Variants in PPFIBP2 observed in about 807,000 individuals in gnomAD.
PPFIBP2 encodes the protein PPFIB scaffold protein 2, also known as liprin-beta-2.
In PPFIBP2, 118 loss-of-function variants were observed where a neutral mutation model predicts 118.3. That is an observed-to-expected ratio of 1.00 (90% CI 0.86 to 1.16). PPFIBP2 has a LOEUF of 1.16. PPFIBP2 is among the 50% of genes most tolerant of loss of function. The pLI, the probability that PPFIBP2 is intolerant of heterozygous loss-of-function variation, is 0.00. For synonymous variants in PPFIBP2, 414 were observed against 397.4 expected (o/e 1.04, Z -0.50); for missense variants, 1,195 against 1,073.1 (o/e 1.11, Z -1.59).
chr11:7,640,932 A>T, intron 15 of PPFIBP2: 1 of 964,740 alleles, frequency 1.0e-6, no homozygotes, highest in Non-Finnish European at 1.4e-6. Context: ...GCTCGATGAC[A>T]CTCTTTTGTT....
At chr11:7,540,375 A>G (rs1425368137) in intron 1 of PPFIBP2, among the ~76,000 whole-genome samples, 2 of 152,046 alleles carry the variant, frequency 1.3e-5, no homozygotes, top group African/African-American at 4.8e-5. Flanking sequence ...AGGAGATTTT[A>G]CCGGATCTGG....
At position 7,571,375 on chromosome 11, in the gene PPFIBP2, C is replaced by T. The variant is rs116989232; in HGVS notation, c.279+5608C>T. 4.3e-4 allele frequency among the ~76,000 whole-genome samples: 65 copies of T among 151,794 alleles called. No individual in the cohort carries two copies. The East Asian group carries it at 8.9e-3, about 21-fold the overall frequency. On this transcript the variant is annotated intron_variant, in intron 3 of 23. Transcript: ENST00000299492. ...TTCAGCTTGCAATCTTTCATTCTGT[C>T]CAAGAAGCAAATCTGTTTACCATAT...
At chr11:7,618,235 G>A (rs1181825451) in intron 6 of PPFIBP2, among the ~76,000 whole-genome samples, 3 of 152,178 alleles carry the variant, frequency 2.0e-5, no homozygotes, top group African/African-American at 7.2e-5. Context: ...TGTAGACTTG[G>A]ATAGAGAAGC....
downstream of PPFIBP2, among the ~76,000 whole-genome samples, chr11:7,657,774 T>C (rs920683081): frequency 2.6e-5 from 4 of 152,148 alleles, no homozygotes; most frequent in African/African-American, 9.7e-5. Context: ...TCCCGCATGA[T>C]CCAGTTACAG....
chr11:7,602,407 C>T (rs1006940625), intron 5 of PPFIBP2, among the ~76,000 whole-genome samples: 8 of 152,232 alleles, frequency 5.3e-5, no homozygotes, highest in African/African-American at 1.4e-4. Context: ...GTGATATAAT[C>T]GAGGCCTGTG....
chr11:7,624,089 T>G (rs577306145), intron 7 of PPFIBP2, among the ~76,000 whole-genome samples: 111 of 152,230 alleles, frequency 7.3e-4, no homozygotes, highest in African/African-American at 2.6e-3. Flanking sequence ...CCTGTCCCAT[T>G]TGGGGGATGT....
intron 4 of PPFIBP2, among the ~76,000 whole-genome samples, 156 bp downstream of exon 4, chr11:7,593,380 A>T (rs1859695469): frequency 1.3e-5 from 2 of 152,200 alleles, no homozygotes; most frequent in African/African-American, 4.8e-5. Context: ...ATAAAACATT[A>T]AGTAACTGAG....
In PPFIBP2 at chr11:7,628,273, G is replaced by C. The variant is rs1305362272; in HGVS notation, c.827-12G>C. 6.2e-7 allele frequency: 1 copy of C among 1,610,030 alleles called. No homozygotes were observed. The highest frequency in any genetic ancestry group is 1.7e-5 in the Admixed American group (1 of 59,868). ...TATATAAATAATTATTTCTATACCT[G>C]AATTCTTTTAGACCAAGAAATTCAA... On this transcript the variant is annotated splice_polypyrimidine_tract_variant and intron_variant, in intron 8 of 23. Transcript: ENST00000299492.
intron 6 of PPFIBP2, among the ~76,000 whole-genome samples, chr11:7,613,798 G>A (rs1257110118): frequency 6.6e-6 from 1 of 152,194 alleles, no homozygotes; most frequent in Non-Finnish European, 1.5e-5. Flanking sequence ...CAACTAGAGG[G>A]TTCTGTGAAT....
chr11:7,530,206 C>T (rs1019566782), intron 1 of PPFIBP2, among the ~76,000 whole-genome samples: 1 of 152,132 alleles, frequency 6.6e-6, no homozygotes, highest in African/African-American at 2.4e-5. Context: ...TTTATTCTGT[C>T]CTCTTTCTTA....
At position 7,641,561 on chromosome 11, in the gene PPFIBP2, G is replaced by C; in HGVS notation, c.1458G>C (p.Gln486His). Residue 486 changes from glutamine (Q) to histidine (H), a missense_variant, in exon 16 of 24, where the codon CAG becomes CAC. By Grantham distance (24) the Gln-to-His change is conservative (BLOSUM62 0). Transcript: ENST00000299492. ...CATCGGGCACTGAATCAGGTCCTCA[G>C]TCTCCTCTGACACCAGATGGTAAAC... The part of the protein sequence containing the change: ...STSSGTESGP[Q>H]SPLTPDGKRN... 6.2e-7 allele frequency: 1 copy of C among 1,614,008 alleles called. No homozygotes were observed. The highest frequency in any genetic ancestry group is 8.5e-7 in the Non-Finnish European group (1 of 1,179,828).
At chr11:7,600,835 C>T (rs1367290227) in intron 5 of PPFIBP2, among the ~76,000 whole-genome samples, 1 of 152,204 alleles carries the variant, frequency 6.6e-6, no homozygotes, top group East Asian at 1.9e-4. Flanking sequence ...GACTCAAAAT[C>T]CAGATCTAAA....
the PPFIBP2 span, among the ~76,000 whole-genome samples, chr11:7,663,479 C>G: frequency 6.6e-6 from 1 of 152,180 alleles, no homozygotes; most frequent in South Asian, 2.1e-4. Context: ...TGGTCAGGGA[C>G]CCACTTGAGG....
chr11:7,594,973 C>T (rs1239378737), intron 4 of PPFIBP2, among the ~76,000 whole-genome samples: 3 of 142,300 alleles, frequency 2.1e-5, no homozygotes, highest in South Asian at 2.3e-4. Flanking sequence ...TAAGCCAATA[C>T]ATTAACTATT....
chr11:7,604,435 C>G (rs1481131672), intron 5 of PPFIBP2, among the ~76,000 whole-genome samples: 2 of 151,690 alleles, frequency 1.3e-5, no homozygotes, highest in East Asian at 3.9e-4. Context: ...CACACATGCA[C>G]CCACACACAC....
chr11:7,559,662 C>A (rs1854070813), intron 2 of PPFIBP2, among the ~76,000 whole-genome samples: 1 of 152,048 alleles, frequency 6.6e-6, no homozygotes. Context: ...AGCTTCCCTG[C>A]CGTTGGGTGA....
chr11:7,606,242 G>A (rs972183300), intron 5 of PPFIBP2, among the ~76,000 whole-genome samples: 1 of 152,134 alleles, frequency 6.6e-6, no homozygotes, highest in African/African-American at 2.4e-5. Flanking sequence ...GAAATGACGG[G>A]GAAGAATGTG....
In PPFIBP2 at chr11:7,610,393, G is replaced by A; in HGVS notation, c.589G>A (p.Glu197Lys). The change falls in exon 6 of 24, where the codon GAG becomes AAG. Residue 197 changes from glutamate (E) to lysine (K), a missense_variant. Glu to Lys is a moderately conservative substitution (Grantham distance 56, BLOSUM62 1). Coordinates refer to ENST00000299492, the MANE Select transcript of PPFIBP2 (RefSeq NM_003621.5). Reference sequence around the variant, plus strand: ...GGTTGGCATGGAGAAGGAGCAGAGAGAGCAGGAGGAGAAGCAGAGAAAAGC... The same window carrying A: ...GGTTGGCATGGAGAAGGAGCAGAGAAAGCAGGAGGAGAAGCAGAGAAAAGC... The part of the protein sequence containing the change: ...KLVGMEKEQR[E>K]QEEKQRKAEE... 6.2e-7 allele frequency: 1 copy of A among 1,614,102 alleles called. No individual in the cohort carries two copies. The highest frequency in any genetic ancestry group is 8.5e-7 in the Non-Finnish European group (1 of 1,180,002).
chr11:7,597,869 A>G, intron 5 of PPFIBP2, 196 bp downstream of exon 5: 1 of 556,832 alleles, frequency 1.8e-6, no homozygotes. Flanking sequence ...GGGGTAGGGA[A>G]GGGAAGGGCT....
Sources: allele counts gnomAD v4.1 joint callset (sites outside exome capture counted in the v4.1 genomes callset), GRCh38; gene constraint gnomAD v4.1.1; transcripts MANE v1.5; gene names NCBI Gene and HGNC (gene_info 2026-07-23, HGNC 2026-07-21).